Variants in DCC observed in about 807,000 individuals in gnomAD.
DCC encodes DCC netrin 1 receptor, also known as netrin receptor DCC.
In DCC, 58 loss-of-function variants were observed where a neutral mutation model predicts 172.5. The ratio of observed to expected loss-of-function variants is 0.34; its 90% CI spans 0.27 to 0.42. The LOEUF (loss-of-function observed/expected upper bound fraction) is 0.42, where lower values mean the gene tolerates loss of function less well. Among genes scored for constraint, DCC ranks in the 10% least tolerant of loss-of-function variants. DCC has a pLI of 1.00. For missense variants in DCC, 1,740 were observed against 1,791.0 expected, an observed-to-expected ratio of 0.97 and a Z score of 0.51; for synonymous variants, 709 against 644.5, an observed-to-expected ratio of 1.10 and a Z score of -1.52.
At chr18:52,770,756 A>G (rs2037327854) in intron 2 of DCC, among the ~76,000 whole-genome samples, 1 of 152,210 alleles carries the variant, frequency 6.6e-6, no homozygotes, top group South Asian at 2.1e-4. Context: ...GTGTACAGGG[A>G]AAACCTAGAG....
At chr18:52,582,278 T>A (rs1247594806) in intron 1 of DCC, among the ~76,000 whole-genome samples, 1 of 152,192 alleles carries the variant, frequency 6.6e-6, no homozygotes, top group Non-Finnish European at 1.5e-5. Context: ...GCTATTTATG[T>A]GTTATTAGAA....
chr18:53,510,982 T>G (rs1386530148), intron 27 of DCC, among the ~76,000 whole-genome samples: 3 of 152,252 alleles, frequency 2.0e-5, no homozygotes, highest in Non-Finnish European at 2.9e-5. Flanking sequence ...GAACATATAA[T>G]TTAAGCCTTA....
At chr18:52,642,075 TATATAC>T (rs1568269815) in intron 1 of DCC, among the ~76,000 whole-genome samples, 46 of 34,908 alleles carry the variant, frequency 1.3e-3, no homozygotes, top group South Asian at 8.3e-3. Context: ...TATATATATA[TATATAC>T]ACACACACAC....
rs149583353 is a variant in DCC, at chr18:52,385,579, C to T, written c.91+44701C>T. The stretch of plus-strand genomic sequence containing the variant: ...AGATCCCATTCCAGGGGAACAGTTC[C>T]ACAGTTTAAAAACACTCAGAGGATG... On this transcript the variant is annotated intron_variant, in intron 1 of 28. Transcript: ENST00000442544. Among the ~76,000 whole-genome samples, 143 of 152,122 alleles carry T rather than the reference C, an allele frequency of 9.4e-4. 2 individuals are homozygous for T. The highest frequency in any genetic ancestry group is 2.9e-3 in the African/African-American group (122 of 41,486).
chr18:52,572,249 AT>A (rs2033316560), intron 1 of DCC, among the ~76,000 whole-genome samples: 1 of 152,180 alleles, frequency 6.6e-6, no homozygotes, highest in Admixed American at 6.5e-5. Flanking sequence ...AGATATAAAT[AT>A]CCCCCTCGTC....
At chr18:52,436,110 A>G (rs79340794) in intron 1 of DCC, among the ~76,000 whole-genome samples, 5,110 of 152,132 alleles carry the variant, frequency 0.034, 318 homozygotes, top group African/African-American at 0.12. Flanking sequence ...TCTCTTACCC[A>G]CTCAGAGGGC....
At chr18:53,476,397 A>G (rs1337812904) in intron 25 of DCC, among the ~76,000 whole-genome samples, 1 of 152,136 alleles carries the variant, frequency 6.6e-6, no homozygotes, top group Non-Finnish European at 1.5e-5. Context: ...GGACCTGGTG[A>G]GAGGTAATTG....
At chr18:52,717,067 T>C (rs190017762) in intron 1 of DCC, among the ~76,000 whole-genome samples, 7 of 152,252 alleles carry the variant, frequency 4.6e-5, no homozygotes, top group East Asian at 3.9e-4. Context: ...ACCACATGAA[T>C]GAATCCTCTC....
rs1013059361 is a variant in DCC at position 52,440,488 on chromosome 18, A to T, written c.91+99610A>T. On this transcript the variant is annotated intron_variant, in intron 1 of 28. Coordinates refer to ENST00000442544, the MANE Select transcript of DCC (RefSeq NM_005215.4). ...CCACTGAGGGTGAATTATAGGGATG[A>T]CATTTAATGGTGCAACTTCTTCTGC... Among the ~76,000 whole-genome samples the T allele has an allele frequency of 3.9e-5, 6 of 152,204 alleles. No individual in the cohort carries two copies. The South Asian group carries it at 1.2e-3, about 32-fold the overall frequency.
At chr18:52,686,596 A>C (rs1352255202) in intron 1 of DCC, among the ~76,000 whole-genome samples, 2 of 152,106 alleles carry the variant, frequency 1.3e-5, no homozygotes, top group African/African-American at 2.4e-5. Context: ...ACCATCCATA[A>C]GATTCAGAAC....
chr18:53,453,945 T>C (rs573762870), intron 23 of DCC, among the ~76,000 whole-genome samples: 138 of 152,374 alleles, frequency 9.1e-4, no homozygotes, highest in Admixed American at 2.9e-3. Flanking sequence ...TTTAAATTAC[T>C]GCAGTTCTTT....
chr18:52,587,498 A>G (rs886187335), intron 1 of DCC, among the ~76,000 whole-genome samples: 1 of 152,222 alleles, frequency 6.6e-6, no homozygotes, highest in African/African-American at 2.4e-5. Flanking sequence ...AGAGAAGTCC[A>G]TCCACAAACC....
chr18:52,711,933 A>C (rs930864859), intron 1 of DCC, among the ~76,000 whole-genome samples: 4 of 152,096 alleles, frequency 2.6e-5, no homozygotes, highest in Non-Finnish European at 5.9e-5. Flanking sequence ...TCAGTGGACT[A>C]TAAAAGCATC....
intron 1 of DCC, among the ~76,000 whole-genome samples, chr18:52,479,935 C>G (rs2029888870): frequency 6.6e-6 from 1 of 152,028 alleles, no homozygotes. Context: ...CAAACTATAT[C>G]CTGACAATAG....
chr18:52,372,131 A>T (rs1353166445), intron 1 of DCC, among the ~76,000 whole-genome samples: 1 of 152,208 alleles, frequency 6.6e-6, no homozygotes, highest in African/African-American at 2.4e-5. Context: ...TGCTTTAGTT[A>T]TGCCCTCTTC....
At chr18:53,200,720 C>T (rs1277532267) in intron 9 of DCC, among the ~76,000 whole-genome samples, 2 of 152,110 alleles carry the variant, frequency 1.3e-5, no homozygotes, top group Non-Finnish European at 2.9e-5. Context: ...ATATCTGTTT[C>T]CCAGAAGTTT....
At chr18:52,848,542 T>A (rs2038930392) in intron 2 of DCC, among the ~76,000 whole-genome samples, 1 of 152,242 alleles carries the variant, frequency 6.6e-6, no homozygotes, top group African/African-American at 2.4e-5. Flanking sequence ...CATAGAATTA[T>A]TTGGATTTTT....
chr18:52,590,220 G>T (rs945646222), intron 1 of DCC, among the ~76,000 whole-genome samples: 1 of 151,506 alleles, frequency 6.6e-6, no homozygotes, highest in African/African-American at 2.4e-5. Flanking sequence ...AACTAAATTT[G>T]GTGCAATTTT....
intron 5 of DCC, among the ~76,000 whole-genome samples, chr18:53,003,798 C>G (rs767404353): frequency 6.6e-6 from 1 of 152,008 alleles, no homozygotes. Flanking sequence ...TACACAGAGA[C>G]GCACCTCTTT....
Sources: gnomAD v4.1 joint callset for allele counts (sites outside exome capture counted in the v4.1 genomes callset) on GRCh38, gnomAD v4.1.1 for gene constraint, MANE v1.5 for transcripts, NCBI Gene and HGNC (gene_info 2026-07-23, HGNC 2026-07-21) for gene names.